The following CCDC158 variants were observed in gnomAD, a reference collection of about 807,000 sequenced individuals.
The protein encoded by CCDC158 is coiled-coil domain-containing protein 158.
Under a neutral mutation model 138.6 loss-of-function variants are expected in CCDC158, and 116 were observed. That is an observed-to-expected ratio of 0.84 (90% confidence interval 0.72 to 0.98). CCDC158 has a LOEUF of 0.98. CCDC158 is among the 50% of genes least tolerant of loss of function. The pLI is 0.00. For missense variants in CCDC158, 1,265 were observed against 1,306.1 expected, an observed-to-expected ratio of 0.97 and a Z score of 0.48; for synonymous variants, 436 against 442.4, an observed-to-expected ratio of 0.99 and a Z score of 0.18.
chr4:76,369,442 C>G lies in CCDC158; in HGVS notation c.1331G>C (p.Gly444Ala). 1 of 1,614,104 alleles carries G rather than the reference C, an allele frequency of 6.2e-7. No individual in the cohort carries two copies. Among genetic ancestry groups the G allele is most frequent in the East Asian group, 2.2e-5 (1 of 44,876 alleles). ...GGCACTGACCTGCCGCTCCATCTGG[C>G]CCTGACACTCGCTCTTCAAGGCCTT... ...LLKALKSECQGQMERQMAAIQ... is the reference protein window; with the variant it reads ...LLKALKSECQAQMERQMAAIQ... Residue 444 changes from glycine to alanine, a missense_variant, in exon 11 of 25, where the codon GGC becomes GCC. Physicochemically the swap from Gly to Ala is moderately conservative, Grantham distance 60. Transcript: ENST00000682701.
chr4:76,350,120 C>T (rs1722915339), intron 18 of CCDC158, among the ~76,000 whole-genome samples: 1 of 152,196 alleles, frequency 6.6e-6, no homozygotes, highest in Non-Finnish European at 1.5e-5. Context: ...GCAGCAGTCT[C>T]CTGCCCTTCC....
Position 76,351,727 on chromosome 4 carries a change from T to C in CCDC158, c.2531A>G (p.Asp844Gly). 1.9e-6 allele frequency: 3 copies of C among 1,603,756 alleles called. No individual in the cohort carries two copies. Among genetic ancestry groups the C allele is most frequent in the Non-Finnish European group, 2.6e-6 (3 of 1,170,848 alleles). ...TATTTATGATGACCTTACTTTTATATCCAAAGTGTGTTGAAGTTTTAAGCG... is the reference window on the plus strand; with the variant it reads ...TATTTATGATGACCTTACTTTTATACCCAAAGTGTGTTGAAGTTTTAAGCG... ...SVRLKLQHTL[D>G]IKELQGPGYT... The change falls in exon 17 of 25, where the codon GAT becomes GGT. Residue 844 changes from aspartate (D) to glycine (G), a missense_variant. Coordinates refer to ENST00000682701, the MANE Select transcript of CCDC158 (RefSeq NM_001394954.1).
chr4:76,357,649 C>T (rs749216895), intron 13 of CCDC158, 123 bp from the exon 14 acceptor site: 4 of 619,580 alleles, frequency 6.5e-6, no homozygotes, highest in Admixed American at 4.0e-5. Flanking sequence ...CATTTAATTA[C>T]ATCTTCCTTT....
chr4:76,402,398 T>A (rs1354692460), intron 3 of CCDC158, among the ~76,000 whole-genome samples: 3 of 152,150 alleles, frequency 2.0e-5, no homozygotes, highest in Non-Finnish European at 2.9e-5. Flanking sequence ...GATCTGGTAG[T>A]TGGTGGTGGC....
chr4:76,402,901 T>C (rs1393867806), intron 3 of CCDC158, among the ~76,000 whole-genome samples: 1 of 152,168 alleles, frequency 6.6e-6, no homozygotes, highest in African/African-American at 2.4e-5. Flanking sequence ...TAGGGAGGCA[T>C]GGGGCATGTT....
At chr4:76,358,166 G>A (rs1183327665) in intron 13 of CCDC158, among the ~76,000 whole-genome samples, 2 of 152,076 alleles carry the variant, frequency 1.3e-5, no homozygotes, top group Admixed American at 6.6e-5. Context: ...CAGCCCTCAA[G>A]CCTGCCTTTC....
chr4:76,323,335 T>A lies in CCDC158; in HGVS notation c.3244A>T (p.Thr1082Ser), dbSNP rs1192222506. 6.2e-7 allele frequency: 1 copy of A among 1,613,204 alleles called. No homozygotes were observed. The highest frequency in any genetic ancestry group is 1.1e-5 in the South Asian group (1 of 90,796). ...KLQNRLESLQ[T>S]LVEDLQLKNQ... Reference sequence around the variant, plus strand: ...TTCAGCTGTAAATCTTCTACCAGAGTTTGCAAGCTTTCTAGTCTGTTCTGA... The same window carrying A: ...TTCAGCTGTAAATCTTCTACCAGAGATTGCAAGCTTTCTAGTCTGTTCTGA... The change falls in exon 24 of 25, where the codon ACT becomes TCT. Residue 1082 changes from threonine to serine, a missense_variant. Transcript: ENST00000682701.
chr4:76,375,656 G>C, intron 9 of CCDC158: 1 of 700,760 alleles, frequency 1.4e-6, no homozygotes, highest in Non-Finnish European at 2.6e-6. Flanking sequence ...AGCCAATAGT[G>C]ACAGCTTCTA....
intron 9 of CCDC158, among the ~76,000 whole-genome samples, chr4:76,373,615 A>G (rs1371076472): frequency 1.3e-5 from 2 of 152,178 alleles, no homozygotes; most frequent in Admixed American, 6.5e-5. Flanking sequence ...TTATCTATAC[A>G]TACATACACA....
chr4:76,417,612 C>G (rs1193159625), intron 1 of CCDC158, among the ~76,000 whole-genome samples: 1 of 152,066 alleles, frequency 6.6e-6, no homozygotes, highest in Non-Finnish European at 1.5e-5. Context: ...TTTTGCCTCC[C>G]ACCATGATTC....
intron 21 of CCDC158, 43 bp downstream of exon 21, chr4:76,331,301 T>C: frequency 6.6e-7 from 1 of 1,516,186 alleles, no homozygotes; most frequent in South Asian, 1.1e-5. Flanking sequence ...TAATGAACAG[T>C]CGTAAAAGGG....
At chr4:76,397,676 G>A (rs7681311) in intron 3 of CCDC158, among the ~76,000 whole-genome samples, 33,767 of 152,072 alleles carry the variant, frequency 0.22, 3,938 homozygotes, top group Middle Eastern at 0.29. Context: ...TTTCACTGTA[G>A]GAAAGACACA....
At chr4:76,324,368 A>G (rs1251642637) in intron 23 of CCDC158, among the ~76,000 whole-genome samples, 4 of 151,804 alleles carry the variant, frequency 2.6e-5, no homozygotes, top group East Asian at 1.9e-4. Context: ...TGTATTTTTA[A>G]TAGAGATGGG....
At chr4:76,362,963 A>G (rs1386959781) in intron 12 of CCDC158, among the ~76,000 whole-genome samples, 1 of 152,196 alleles carries the variant, frequency 6.6e-6, no homozygotes, top group African/African-American at 2.4e-5. Flanking sequence ...GTGTGCAGAA[A>G]GAGTTCACAT....
At chr4:76,364,515 G>C (rs943054652) in intron 12 of CCDC158, among the ~76,000 whole-genome samples, 1 of 152,046 alleles carries the variant, frequency 6.6e-6, no homozygotes, top group Admixed American at 6.5e-5. Context: ...TTGGTGATCT[G>C]TTGTATTGAT....
chr4:76,315,826 G>A (rs111611132), intron 24 of CCDC158, among the ~76,000 whole-genome samples: 159 of 152,254 alleles, frequency 1.0e-3, no homozygotes, highest in African/African-American at 3.5e-3. Flanking sequence ...CACCAGCCCC[G>A]AGTCTGGTAG....
At chr4:76,326,892 A>C (rs1473109188) in intron 22 of CCDC158, among the ~76,000 whole-genome samples, 1 of 152,186 alleles carries the variant, frequency 6.6e-6, no homozygotes, top group Non-Finnish European at 1.5e-5. Flanking sequence ...CTTTAAAGGC[A>C]TAAGTAAAAT....
chr4:76,369,683 A>ATGTT, intron 10 of CCDC158, 60 bp from the exon 11 acceptor site: 2 of 1,416,844 alleles, frequency 1.4e-6, no homozygotes, highest in Non-Finnish European at 2.0e-6. Context: ...GATAAAACAT[A>ATGTT]TTGTCTTTAT....
At chr4:76,336,197 A>AAC (rs1336121384) in intron 18 of CCDC158, among the ~76,000 whole-genome samples, 14 of 150,650 alleles carry the variant, frequency 9.3e-5, no homozygotes, top group Middle Eastern at 3.4e-3. Flanking sequence ...AAAAAAAAAA[A>AAC]AAAAAAAAAA....
Sources: allele counts gnomAD v4.1 joint callset (sites outside exome capture counted in the v4.1 genomes callset), GRCh38; gene constraint gnomAD v4.1.1; transcripts MANE v1.5; gene names NCBI Gene and HGNC (gene_info 2026-07-23, HGNC 2026-07-21).